The following RGS8 variants were observed in gnomAD, a reference collection of about 807,000 sequenced individuals.
The protein encoded by RGS8 is regulator of G-protein signaling 8.
In RGS8, 8 loss-of-function variants were observed where a neutral mutation model predicts 21.7. That is an observed-to-expected ratio of 0.37 (90% CI 0.22 to 0.66). The LOEUF (loss-of-function observed/expected upper bound fraction) is 0.66. Among genes scored for constraint, RGS8 ranks in the 30% least tolerant of loss-of-function variants. The pLI, the probability that RGS8 is intolerant of heterozygous loss-of-function variation, is 0.59. For missense variants in RGS8, 157 were observed against 217.9 expected (o/e 0.72, Z 1.76); for synonymous variants, 80 against 83.6 (o/e 0.96, Z 0.24).
chr1:182,731,320 T>C, the RGS8 span, among the ~76,000 whole-genome samples: 3 of 152,238 alleles, frequency 2.0e-5, no homozygotes, highest in African/African-American at 7.2e-5. Context: ...TGCTGCTTGT[T>C]GGTTGACTGC....
At chr1:182,663,634 A>T (rs187400734) in intron 5 of RGS8, among the ~76,000 whole-genome samples, 1 of 152,160 alleles carries the variant, frequency 6.6e-6, no homozygotes, top group East Asian at 1.9e-4. Flanking sequence ...GCTTCAGCAA[A>T]ATCCTCCTGC....
the RGS8 span, among the ~76,000 whole-genome samples, chr1:182,711,198 A>G: frequency 6.6e-6 from 1 of 152,156 alleles, no homozygotes; most frequent in Non-Finnish European, 1.5e-5. Flanking sequence ...CACTCCCCTG[A>G]TCACTTGCCT....
the RGS8 span, among the ~76,000 whole-genome samples, chr1:182,738,552 G>A: frequency 6.6e-6 from 1 of 152,166 alleles, no homozygotes; most frequent in South Asian, 2.1e-4. Flanking sequence ...TTAAACAAAT[G>A]AAAATGATCT....
chr1:182,734,543 C>T, the RGS8 span: 3 of 152,142 alleles, frequency 2.0e-5, no homozygotes, highest in Middle Eastern at 3.2e-3. Context: ...CTTCTATGTC[C>T]TTCTTTGACT....
At chr1:182,664,295 C>A (rs374072158) in intron 5 of RGS8, among the ~76,000 whole-genome samples, 179 of 151,084 alleles carry the variant, frequency 1.2e-3, no homozygotes, top group African/African-American at 4.0e-3. Flanking sequence ...AAAAAAAAAA[C>A]CCACCATATC....
rs146144913 is a variant in RGS8 at position 182,649,102 on chromosome 1, T to TA, written c.194-800dup. On this transcript the variant is annotated intron_variant, in intron 5 of 6. Transcript: ENST00000483095. ...GCGACAAGACCAAAAATACGTCTCA[T>TA]AAAAAAAAAATAGAGTCATAGTAAT... Among the ~76,000 whole-genome samples the TA allele has an allele frequency of 8.1e-4, 120 of 148,426 alleles. No homozygotes were observed. The East Asian group carries it at 0.015, about 19-fold the overall frequency.
At chr1:182,744,797 C>CT in the RGS8 span, among the ~76,000 whole-genome samples, 4 of 152,196 alleles carry the variant, frequency 2.6e-5, no homozygotes, top group Admixed American at 2.6e-4. Flanking sequence ...TGTCATTAAA[C>CT]TATGCATGTC....
the RGS8 span, among the ~76,000 whole-genome samples, chr1:182,722,182 A>T: frequency 6.6e-6 from 1 of 151,854 alleles, no homozygotes; most frequent in South Asian, 2.1e-4. Context: ...TTGCCAAAAA[A>T]AAGGAAAAAT....
In RGS8 at chr1:182,684,163, A is replaced by G. The variant is rs1664632293; in HGVS notation, n.221+193T>C. ...CTGGGAAGAACAGGCATATTTCTAC[A>G]CCCTTGCTCCTGGCGGAGGTGGCGG... On this transcript the variant is annotated intron_variant and non_coding_transcript_variant, in intron 1 of 4. Transcript: ENST00000515211. The surrounding 1 kb of genome is among the most constrained non-coding windows in gnomAD (Gnocchi z 4.2). Among the ~76,000 whole-genome samples the G allele has an allele frequency of 6.6e-6, 1 of 152,182 alleles. No individual in the cohort carries two copies. The highest frequency in any genetic ancestry group is 1.9e-4 in the East Asian group (1 of 5,200).
chr1:182,745,524 A>T, the RGS8 span, among the ~76,000 whole-genome samples: 5 of 152,236 alleles, frequency 3.3e-5, no homozygotes, highest in South Asian at 1.0e-3. Flanking sequence ...CTTGAAAGTA[A>T]TAAAATGGAC....
At chr1:182,673,675 A>G (rs540473468), upstream of RGS8, among the ~76,000 whole-genome samples, 7 of 152,324 alleles carry the variant, frequency 4.6e-5, no homozygotes, top group South Asian at 1.4e-3. Flanking sequence ...ATGCAAAAGA[A>G]AAGTTTCTCA....
chr1:182,719,246 A>G, the RGS8 span, among the ~76,000 whole-genome samples: 2 of 152,314 alleles, frequency 1.3e-5, no homozygotes, highest in African/African-American at 4.8e-5. Flanking sequence ...TTCCTTTATC[A>G]CAGAAATCAA....
chr1:182,698,351 C>T, the RGS8 span, among the ~76,000 whole-genome samples: 236 of 152,298 alleles, frequency 1.5e-3, 2 homozygotes, highest in African/African-American at 5.2e-3. Flanking sequence ...TAAATCCCAG[C>T]TCTACTATTT....
At chr1:182,728,885 A>G in the RGS8 span, among the ~76,000 whole-genome samples, 60 of 152,334 alleles carry the variant, frequency 3.9e-4, no homozygotes, top group Middle Eastern at 0.024. Flanking sequence ...CTGCTAATGC[A>G]TGCTGGGCTT....
At chr1:182,721,229 A>G in the RGS8 span, among the ~76,000 whole-genome samples, 23 of 151,968 alleles carry the variant, frequency 1.5e-4, no homozygotes, top group East Asian at 3.3e-3. Context: ...TTTAGTGCCT[A>G]TCATGTCCCA....
At chr1:182,734,052 C>T in the RGS8 span, among the ~76,000 whole-genome samples, 1 of 152,128 alleles carries the variant, frequency 6.6e-6, no homozygotes, top group Admixed American at 6.5e-5. Context: ...TCCCGAGTAG[C>T]TGGGATTACA....
chr1:182,649,063 A>G (rs1385618423), intron 5 of RGS8, among the ~76,000 whole-genome samples: 4 of 152,108 alleles, frequency 2.6e-5, no homozygotes, highest in Non-Finnish European at 5.9e-5. Context: ...TCACGCCACT[A>G]CACTCCAGCC....
chr1:182,661,808 T>TCTCA (rs1663601995), intron 5 of RGS8, among the ~76,000 whole-genome samples: 1 of 132,358 alleles, frequency 7.6e-6, no homozygotes, highest in Non-Finnish European at 1.7e-5. Context: ...GTACACACAT[T>TCTCA]CACACACACA....
the RGS8 span, among the ~76,000 whole-genome samples, chr1:182,749,909 G>C: frequency 6.6e-6 from 1 of 152,128 alleles, no homozygotes. Context: ...GCCCCAGTGT[G>C]TGTTGTTCCC....
Sources: gnomAD v4.1 joint callset for allele counts (sites outside exome capture counted in the v4.1 genomes callset) on GRCh38, gnomAD v4.1.1 for gene constraint, Gnocchi (gnomAD v3.1) non-coding constraint, MANE v1.5 for transcripts, NCBI Gene and HGNC (gene_info 2026-07-23, HGNC 2026-07-21) for gene names.